BCHE: variants seen among roughly 807,000 people sequenced by gnomAD.
BCHE encodes cholinesterase.
Under a neutral mutation model 51.3 loss-of-function variants are expected in BCHE, and 48 were observed. That is an observed-to-expected ratio of 0.94 (90% CI 0.74 to 1.19). The LOEUF (loss-of-function observed/expected upper bound fraction) is 1.19, where lower values mean the gene tolerates loss of function less well. Among genes scored for constraint, BCHE ranks in the 50% most tolerant of loss-of-function variants. BCHE has a pLI of 0.00. For synonymous variants in BCHE, 251 were observed against 238.0 expected, an observed-to-expected ratio of 1.05 and a Z score of -0.50; for missense variants, 847 against 708.2, an observed-to-expected ratio of 1.20 and a Z score of -2.23.
In BCHE at chr3:165,809,291, A is replaced by G. The variant is rs866161915; in HGVS notation, c.1517+20226T>C. ...ATATAAGCAAACGTATTTAAATCCA[A>G]GTATAAAACCATAGCTAAACCCAAC... On this transcript the variant is annotated intron_variant, in intron 2 of 3. Coordinates refer to ENST00000264381, the MANE Select transcript of BCHE (RefSeq NM_000055.4). Among the ~76,000 whole-genome samples the G allele has an allele frequency of 6.2e-4, 95 of 152,286 alleles. 1 individual carries two copies. In the Middle Eastern group the frequency reaches 0.02, roughly 33 times the overall value.
chr3:165,820,037 G>A (rs960098258), intron 2 of BCHE, among the ~76,000 whole-genome samples: 1 of 152,042 alleles, frequency 6.6e-6, no homozygotes, highest in African/African-American at 2.4e-5. Context: ...AACAAATCAG[G>A]TTATTTCCAA....
At chr3:165,820,670 A>G (rs895914237) in intron 2 of BCHE, among the ~76,000 whole-genome samples, 2 of 151,950 alleles carry the variant, frequency 1.3e-5, no homozygotes, top group African/African-American at 4.8e-5. Flanking sequence ...CACGTGAACT[A>G]TTATCTGTCG....
chr3:165,775,801 T>G (rs1447063861), intron 3 of BCHE, among the ~76,000 whole-genome samples: 3 of 152,010 alleles, frequency 2.0e-5, no homozygotes, highest in African/African-American at 7.2e-5. Flanking sequence ...CAATAAAATA[T>G]GAAACATTTA....
intron 3 of BCHE, among the ~76,000 whole-genome samples, chr3:165,776,031 A>T (rs2668208): frequency 1.4e-4 from 21 of 151,726 alleles, no homozygotes; most frequent in African/African-American, 5.1e-4. Flanking sequence ...TATTATCAAC[A>T]TCAGCAATAT....
intron 3 of BCHE, among the ~76,000 whole-genome samples, chr3:165,784,382 C>T (rs922514269): frequency 1.1e-4 from 16 of 151,802 alleles, no homozygotes; most frequent in African/African-American, 3.1e-4. Context: ...CGTGCATTTA[C>T]TTCAAAATTA....
At chr3:165,801,430 A>C (rs757572702) in intron 2 of BCHE, among the ~76,000 whole-genome samples, 1 of 152,224 alleles carries the variant, frequency 6.6e-6, no homozygotes. Context: ...TTGTTTTATT[A>C]AATGTTATAC....
Position 165,773,202 on chromosome 3 carries a change from C to T in BCHE, c.*180G>A, listed in dbSNP as rs139885577. 6.4e-3 allele frequency: 3,573 copies of T among 554,916 alleles called. 106 individuals are homozygous for T. The highest frequency in any genetic ancestry group is 0.061 in the African/African-American group (3,230 of 52,632). 34.4% of individuals were successfully genotyped at this position (554,916 alleles called of 1,614,324 possible). A position where few individuals can be genotyped will look rare whatever the true frequency, so the allele number is the denominator to read the frequency against. ...GAAATTTAATTAAACACGTTCTAGCCATTTGGGTTTTGAAATGCTAGGTAA... is the reference window on the plus strand; with the variant it reads ...GAAATTTAATTAAACACGTTCTAGCTATTTGGGTTTTGAAATGCTAGGTAA... On this transcript the variant is annotated 3_prime_UTR_variant, in exon 4 of 4. Transcript: ENST00000264381.
intron 1 of BCHE, among the ~76,000 whole-genome samples, chr3:165,833,929 G>A (rs1715083950): frequency 6.6e-6 from 1 of 151,998 alleles, no homozygotes; most frequent in Non-Finnish European, 1.5e-5. Context: ...CTCTTGCCTA[G>A]CTCAGTCAAT....
rs761505401 is a variant in BCHE at position 165,814,328 on chromosome 3, A to G, written c.1517+15189T>C. Among the ~76,000 whole-genome samples, 91 of 152,020 alleles carry G rather than the reference A, an allele frequency of 6.0e-4. 1 individual carries two copies. Among genetic ancestry groups the G allele is most frequent in the Non-Finnish European group, 1.1e-3 (74 of 68,004 alleles). ...AAATATTTATTCTCCAGATGTTACC[A>G]TTTTTTTAAGAAGATAAAATGAAAG... On this transcript the variant is annotated intron_variant, in intron 2 of 3. Transcript: ENST00000264381.
At chr3:165,799,732 G>T (rs1713565043) in intron 2 of BCHE, among the ~76,000 whole-genome samples, 1 of 151,932 alleles carries the variant, frequency 6.6e-6, no homozygotes, top group Non-Finnish European at 1.5e-5. Context: ...TGATTAAAAT[G>T]GTGATACACA....
intron 2 of BCHE, among the ~76,000 whole-genome samples, chr3:165,827,441 T>C (rs1383351731): frequency 6.6e-6 from 1 of 151,366 alleles, no homozygotes; most frequent in Admixed American, 6.6e-5. Context: ...CCTTATTAAT[T>C]AATTAATAAT....
chr3:165,832,441 T>C (rs1249946982), intron 1 of BCHE, among the ~76,000 whole-genome samples: 2 of 151,896 alleles, frequency 1.3e-5, no homozygotes, highest in Non-Finnish European at 2.9e-5. Context: ...TACAGGTGTA[T>C]GGCACCACAC....
At chr3:165,784,058 A>G (rs886543240) in intron 3 of BCHE, among the ~76,000 whole-genome samples, 1 of 152,060 alleles carries the variant, frequency 6.6e-6, no homozygotes, top group Admixed American at 6.6e-5. Context: ...AGTAAGGTAA[A>G]CATTTTTCCT....
chr3:165,824,326 C>T (rs1041444709), intron 2 of BCHE, among the ~76,000 whole-genome samples: 2 of 151,758 alleles, frequency 1.3e-5, no homozygotes, highest in African/African-American at 4.8e-5. Context: ...TATGATGGTC[C>T]TTTCAATAGA....
At chr3:165,783,112 AAAC>A (rs1560003147) in intron 3 of BCHE, among the ~76,000 whole-genome samples, 1 of 148,800 alleles carries the variant, frequency 6.7e-6, no homozygotes, top group Non-Finnish European at 1.5e-5. Context: ...CATAATTAAG[AAAC>A]AACAACATTC....
intron 2 of BCHE, among the ~76,000 whole-genome samples, chr3:165,798,900 A>C (rs1713531100): frequency 6.6e-6 from 1 of 152,154 alleles, no homozygotes; most frequent in East Asian, 1.9e-4. Flanking sequence ...ATAATAAAAA[A>C]AAACTAGAGT....
At chr3:165,807,552 A>T (rs112900295) in intron 2 of BCHE, among the ~76,000 whole-genome samples, 6,386 of 138,340 alleles carry the variant, frequency 0.046, 329 homozygotes, top group African/African-American at 0.14. Context: ...ATTTATTTTT[A>T]TTTATTTATT....
chr3:165,829,292 C>T (rs896767587), intron 2 of BCHE, among the ~76,000 whole-genome samples: 1 of 152,016 alleles, frequency 6.6e-6, no homozygotes, highest in Non-Finnish European at 1.5e-5. Context: ...GAGATGAAAT[C>T]AGAAGATATT....
Position 165,831,059 on chromosome 3 carries a change from A to G in BCHE, c.-8-18T>C. The G allele has an allele frequency of 6.3e-7, 1 of 1,575,660 alleles. No individual in the cohort carries two copies. Among genetic ancestry groups the G allele is most frequent in the Non-Finnish European group, 8.7e-7 (1 of 1,154,776 alleles). Reference sequence around the variant, plus strand: ...ATTGATTTCTGAAAGAGAGGTAAGTATAATGTTTTATAAGCCTTCTGCATA... The same window carrying G: ...ATTGATTTCTGAAAGAGAGGTAAGTGTAATGTTTTATAAGCCTTCTGCATA... On this transcript the variant is annotated intron_variant, in intron 1 of 3. Transcript: ENST00000264381.
Sources: gnomAD v4.1 joint callset for allele counts (sites outside exome capture counted in the v4.1 genomes callset) on GRCh38, gnomAD v4.1.1 for gene constraint, MANE v1.5 for transcripts, NCBI Gene and HGNC (gene_info 2026-07-23, HGNC 2026-07-21) for gene names.